The following HSPA12A variants were observed in gnomAD, a reference collection of about 807,000 sequenced individuals.
HSPA12A encodes heat shock protein family A (Hsp70) member 12A, also known as heat shock 70 kDa protein 12A.
HSPA12A carries 28 observed loss-of-function variants against 69.2 expected under a neutral mutation model. The ratio of observed to expected loss-of-function variants is 0.40; its 90% CI spans 0.30 to 0.55. The LOEUF is 0.55. HSPA12A is among the 20% of genes least tolerant of loss of function. The pLI, the probability that HSPA12A is intolerant of heterozygous loss-of-function variation, is 0.38. For synonymous variants in HSPA12A, 345 were observed against 370.5 expected (o/e 0.93, Z 0.79); for missense variants, 686 against 900.7 (o/e 0.76, Z 3.05).
At chr10:116,717,668 A>G (rs1355533731) in intron 1 of HSPA12A, among the ~76,000 whole-genome samples, 1 of 151,996 alleles carries the variant, frequency 6.6e-6, no homozygotes, top group African/African-American at 2.4e-5. Context: ...GTTTATTATT[A>G]TTGTTACCAT....
At chr10:116,690,672 C>G (rs1317090991) in intron 6 of HSPA12A, among the ~76,000 whole-genome samples, 1 of 152,172 alleles carries the variant, frequency 6.6e-6, no homozygotes, top group African/African-American at 2.4e-5. Flanking sequence ...ATTCCAACAA[C>G]CCCCAGGGAT....
At chr10:116,751,803 C>T (rs1646058538) in intron 2 of HSPA12A, among the ~76,000 whole-genome samples, 1 of 152,052 alleles carries the variant, frequency 6.6e-6, no homozygotes, top group Non-Finnish European at 1.5e-5. Context: ...TAGTACCATC[C>T]CCTTGGTGAT....
chr10:116,729,328 G>A (rs79564432), intron 1 of HSPA12A, among the ~76,000 whole-genome samples: 5,743 of 152,234 alleles, frequency 0.038, 348 homozygotes, highest in African/African-American at 0.13. Flanking sequence ...TCCAGGCCTT[G>A]AGATCCCCCA....
At chr10:116,737,015 G>A (rs571869513) in intron 1 of HSPA12A, among the ~76,000 whole-genome samples, 15 of 152,096 alleles carry the variant, frequency 9.9e-5, no homozygotes, top group African/African-American at 2.9e-4. Flanking sequence ...CTTCATGCCC[G>A]GCTCTACTCT....
chr10:116,797,882 G>A (rs1637569), intron 2 of HSPA12A, among the ~76,000 whole-genome samples: 1 of 151,930 alleles, frequency 6.6e-6, no homozygotes, highest in Non-Finnish European at 1.5e-5. Flanking sequence ...ACTGATGGTG[G>A]GGAAGGCTTC....
In HSPA12A at chr10:116,692,356, A is replaced by G; in HGVS notation, c.658T>C (p.Tyr220His). The change falls in exon 6 of 12, where the codon TAC becomes CAC. Residue 220 changes from tyrosine to histidine, a missense_variant. Physicochemically the swap from Tyr to His is moderately conservative, Grantham distance 83. Transcript: ENST00000369209. ...PAKQFMRQAA[Y>H]QAGLASPENS... is the part of the protein sequence containing the mutation. ...CGCCCTGACTCTACCCTCACCTGGT[A>G]GGCAGCTTGTCTCATGAACTGCTTG... 9 of 1,613,152 alleles carry G rather than the reference A, an allele frequency of 5.6e-6. No homozygotes were observed. The highest frequency in any genetic ancestry group is 7.6e-6 in the Non-Finnish European group (9 of 1,179,170).
rs1341294350 is a variant in HSPA12A at position 116,723,995 on chromosome 10, G to A, written c.41-16710C>T. The stretch of plus-strand genomic sequence containing the variant: ...TGCATGGCCCCAACAGAGGCGTATC[G>A]GGCAGCACTGGCCGGAACTTTAGAA... On this transcript the variant is annotated intron_variant, in intron 1 of 11. Coordinates refer to ENST00000369209, the MANE Select transcript of HSPA12A (RefSeq NM_025015.3). The surrounding 1 kb of genome is among the most constrained non-coding windows in gnomAD (Gnocchi z 4.1). Among the ~76,000 whole-genome samples the A allele has an allele frequency of 1.3e-5, 2 of 152,186 alleles. No homozygotes were observed. Among genetic ancestry groups the A allele is most frequent in the South Asian group, 2.1e-4 (1 of 4,822 alleles).
At chr10:116,838,046 G>A (rs1845746067) in intron 1 of HSPA12A, among the ~76,000 whole-genome samples, 1 of 151,976 alleles carries the variant, frequency 6.6e-6, no homozygotes, top group South Asian at 2.1e-4. Flanking sequence ...GCCTGGCTCT[G>A]AGTCCCTTAA....
At chr10:116,692,270 C>G (rs955503541) in intron 6 of HSPA12A, 81 bp downstream of exon 6, 2 of 1,052,586 alleles carry the variant, frequency 1.9e-6, no homozygotes, top group Non-Finnish European at 2.9e-6. Flanking sequence ...GTGGGAGGTA[C>G]CTGGGCGGGG....
intron 2 of HSPA12A, among the ~76,000 whole-genome samples, chr10:116,774,415 C>G (rs1468135470): frequency 1.3e-5 from 2 of 152,224 alleles, no homozygotes; most frequent in Non-Finnish European, 2.9e-5. Context: ...CCCTGACCAG[C>G]AGCATTAACA....
At chr10:116,843,059 G>C (rs1217716104) in intron 1 of HSPA12A, among the ~76,000 whole-genome samples, 1 of 152,096 alleles carries the variant, frequency 6.6e-6, no homozygotes, top group Admixed American at 6.5e-5. Context: ...AGTATCTTTT[G>C]GTCTTCAGTG....
rs1491281263 is a variant in HSPA12A, at chr10:116,705,892, CCT to C, written c.127-616_127-615del. 5.5e-3 allele frequency among the ~76,000 whole-genome samples: 706 copies of C among 129,466 alleles called. 1 individual carries two copies. Among genetic ancestry groups the C allele is most frequent in the Non-Finnish European group, 7.7e-3 (472 of 60,928 alleles). 84.9% of individuals were successfully genotyped at this position (129,466 alleles called of 152,430 possible). A position where few individuals can be genotyped will look rare whatever the true frequency, so the allele number is the denominator to read the frequency against. On this transcript the variant is annotated intron_variant, in intron 2 of 11. Coordinates refer to ENST00000369209, the MANE Select transcript of HSPA12A (RefSeq NM_025015.3). ...CAGGTTTCCAAGCCTTTCTCTCTCT[CCT>C]TTTTTTTTTTTTTTTTTTTGAGACG...
intron 2 of HSPA12A, among the ~76,000 whole-genome samples, chr10:116,781,022 T>C (rs1006007616): frequency 6.6e-6 from 1 of 152,234 alleles, no homozygotes; most frequent in Non-Finnish European, 1.5e-5. Context: ...CTCAGCACTT[T>C]GGGAGGCCAA....
At chr10:116,777,917 G>A (rs969968325) in intron 2 of HSPA12A, among the ~76,000 whole-genome samples, 9 of 152,160 alleles carry the variant, frequency 5.9e-5, no homozygotes, top group African/African-American at 1.2e-4. Context: ...TAGTAGAGAC[G>A]GAGTTTCACC....
chr10:116,841,247 C>T (rs1845796594), intron 1 of HSPA12A, among the ~76,000 whole-genome samples: 1 of 152,200 alleles, frequency 6.6e-6, no homozygotes, highest in African/African-American at 2.4e-5. Context: ...AAAATTGTAG[C>T]TCAGGCCAAA....
At chr10:116,692,702 T>G (rs1849771591) in intron 5 of HSPA12A, among the ~76,000 whole-genome samples, 1 of 152,118 alleles carries the variant, frequency 6.6e-6, no homozygotes, top group Non-Finnish European at 1.5e-5. Context: ...GAAAGGAGGA[T>G]CAGAGGAAAT....
intron 2 of HSPA12A, among the ~76,000 whole-genome samples, chr10:116,762,982 T>C (rs1554889421): frequency 1.3e-5 from 2 of 152,194 alleles, no homozygotes; most frequent in African/African-American, 4.8e-5. Flanking sequence ...CTTTTCCTCC[T>C]CTAAGGCAGT....
intron 1 of HSPA12A, among the ~76,000 whole-genome samples, chr10:116,724,877 G>A (rs1554884803): frequency 6.6e-6 from 1 of 152,144 alleles, no homozygotes; most frequent in African/African-American, 2.4e-5. Flanking sequence ...AGGACCCCCA[G>A]TCTCTAACAG....
At chr10:116,762,355 GT>G (rs1843990881) in intron 2 of HSPA12A, among the ~76,000 whole-genome samples, 1 of 152,164 alleles carries the variant, frequency 6.6e-6, no homozygotes, top group Admixed American at 6.5e-5. Context: ...AGGTGTGTAT[GT>G]TTTTCTTTTT....
Sources: allele counts gnomAD v4.1 joint callset (sites outside exome capture counted in the v4.1 genomes callset), GRCh38; gene constraint gnomAD v4.1.1; non-coding constraint Gnocchi (gnomAD v3.1); transcripts MANE v1.5; gene names NCBI Gene and HGNC (gene_info 2026-07-23, HGNC 2026-07-21).